FCHSD2: variants seen among roughly 807,000 people sequenced by gnomAD.
The protein encoded by FCHSD2 is F-BAR and double SH3 domains protein 2.
A neutral mutation model predicts 108.1 loss-of-function variants in FCHSD2; 38 were observed. The ratio of observed to expected loss-of-function variants is 0.35; its 90% CI spans 0.27 to 0.46. FCHSD2 has a LOEUF of 0.46. Ranked by LOEUF, FCHSD2 falls within the 20% of genes least tolerant of loss-of-function variation. FCHSD2 has a pLI of 1.00. For missense variants in FCHSD2, 751 were observed against 897.8 expected (o/e 0.84, Z 2.09); for synonymous variants, 279 against 314.7 (o/e 0.89, Z 1.20).
intron 3 of FCHSD2, among the ~76,000 whole-genome samples, chr11:73,056,898 C>T (rs1019106095): frequency 1.3e-5 from 2 of 151,962 alleles, no homozygotes; most frequent in African/African-American, 4.8e-5. Context: ...CTGGCTAACA[C>T]AGTGAAACCC....
In FCHSD2 at chr11:73,069,821, CA is replaced by C. The variant is rs567970972; in HGVS notation, c.165+13873del. ...AATAACAAATGACTCTGGGTACCAG[CA>C]AGGCAAATAAAACATCTAGATTCAT... is the stretch of plus-strand genomic sequence containing the variant. On this transcript the variant is annotated intron_variant, in intron 3 of 19. Coordinates refer to ENST00000409418, the MANE Select transcript of FCHSD2 (RefSeq NM_014824.3). Among the ~76,000 whole-genome samples the C allele has an allele frequency of 1.8e-3, 273 of 152,194 alleles. 2 individuals are homozygous for C. The highest frequency in any genetic ancestry group is 6.0e-3 in the African/African-American group (248 of 41,534).
At chr11:72,873,443 CTTT>C (rs1462383573) in intron 12 of FCHSD2, among the ~76,000 whole-genome samples, 2 of 151,608 alleles carry the variant, frequency 1.3e-5, no homozygotes, top group African/African-American at 4.8e-5. Context: ...GTATTTTTGC[CTTT>C]TTATTATTAT....
In FCHSD2 at chr11:72,889,903, T is replaced by C. The variant is rs1396021964; in HGVS notation, c.967A>G (p.Ser323Gly). The C allele has an allele frequency of 1.2e-6, 2 of 1,613,474 alleles. No individual in the cohort carries two copies. Among genetic ancestry groups the C allele is most frequent in the East Asian group, 2.2e-5 (1 of 44,878 alleles). Reference protein sequence around the residue: ...ESETGTTEEHSLNKEARKWAT... With the variant: ...ESETGTTEEHGLNKEARKWAT... ...CATTTTCGAGCTTCCTTATTTAGAC[T>C]GTGCTCCTCTGTGGTCCCAGTTTCT... is the stretch of plus-strand genomic sequence containing the variant. Residue 323 changes from serine (S) to glycine (G), a missense_variant, in exon 11 of 20, where the codon AGT (serine) becomes GGT (glycine). Coordinates refer to ENST00000409418, the MANE Select transcript of FCHSD2 (RefSeq NM_014824.3).
rs183787235 is a variant in FCHSD2 at position 72,999,663 on chromosome 11, C to T, written c.387+1327G>A. On this transcript the variant is annotated intron_variant, in intron 5 of 19. Transcript: ENST00000409418. Reference sequence around the variant, plus strand: ...CCAGGAATGTCAGTTAAATTCAGGTCTGAGATTACTTCATCAATGGAAGAG... The same window carrying T: ...CCAGGAATGTCAGTTAAATTCAGGTTTGAGATTACTTCATCAATGGAAGAG... Among the ~76,000 whole-genome samples, 187 of 152,204 alleles carry T rather than the reference C, an allele frequency of 1.2e-3. 2 individuals are homozygous for T. The highest frequency in any genetic ancestry group is 0.011 in the Admixed American group (166 of 15,280).
chr11:73,012,790 T>C (rs1246331055), intron 4 of FCHSD2, among the ~76,000 whole-genome samples: 1 of 152,214 alleles, frequency 6.6e-6, no homozygotes, highest in African/African-American at 2.4e-5. Flanking sequence ...ATTTTAAATA[T>C]GAAGAAAACT....
At chr11:72,925,198 T>C (rs1025852966) in intron 8 of FCHSD2, among the ~76,000 whole-genome samples, 40 of 152,174 alleles carry the variant, frequency 2.6e-4, no homozygotes, top group African/African-American at 9.2e-4. Flanking sequence ...GGAGAAAAGT[T>C]GAAGAAAAGA....
At chr11:72,903,895 C>G (rs981318866) in intron 9 of FCHSD2, among the ~76,000 whole-genome samples, 3 of 152,158 alleles carry the variant, frequency 2.0e-5, no homozygotes, top group Non-Finnish European at 2.9e-5. Context: ...TTCCCTCCCC[C>G]TCACTCCACC....
chr11:73,120,233 C>G (rs1385228432), intron 2 of FCHSD2, among the ~76,000 whole-genome samples: 1 of 152,190 alleles, frequency 6.6e-6, no homozygotes, highest in Non-Finnish European at 1.5e-5. Flanking sequence ...ACATCTGACA[C>G]TTGTTTACAT....
intron 9 of FCHSD2, among the ~76,000 whole-genome samples, chr11:72,903,012 T>C (rs539530614): frequency 4.6e-5 from 7 of 152,214 alleles, no homozygotes; most frequent in African/African-American, 1.7e-4. Context: ...GCTCTAAAAT[T>C]GTATGGGCCT....
At chr11:72,892,778 G>C (rs1024081963) in intron 10 of FCHSD2, among the ~76,000 whole-genome samples, 3 of 151,822 alleles carry the variant, frequency 2.0e-5, no homozygotes, top group Admixed American at 6.6e-5. Context: ...CTAATTTTTT[G>C]TATTTTTAGT....
At chr11:72,993,666 C>T (rs1306643908) in intron 5 of FCHSD2, among the ~76,000 whole-genome samples, 2 of 151,466 alleles carry the variant, frequency 1.3e-5, no homozygotes, top group Non-Finnish European at 2.9e-5. Flanking sequence ...GGACAAAAAA[C>T]CAAACACCGC....
At chr11:72,907,522 T>G (rs1051272546) in intron 9 of FCHSD2, among the ~76,000 whole-genome samples, 2 of 152,124 alleles carry the variant, frequency 1.3e-5, no homozygotes, top group African/African-American at 4.8e-5. Flanking sequence ...ATACCTAGTT[T>G]ATTGAGAGTT....
chr11:72,925,743 T>C (rs910999674), intron 8 of FCHSD2, among the ~76,000 whole-genome samples: 1 of 152,204 alleles, frequency 6.6e-6, no homozygotes, highest in Non-Finnish European at 1.5e-5. Flanking sequence ...GCTGCCATCA[T>C]GCCGGCTAGA....
chr11:72,887,426 GT>G (rs765591552), intron 12 of FCHSD2, 43 bp downstream of exon 12: 1 of 1,202,294 alleles, frequency 8.3e-7, no homozygotes, highest in East Asian at 2.4e-5. Context: ...CTGTGACAGT[GT>G]CATTAGACCT....
intron 2 of FCHSD2, among the ~76,000 whole-genome samples, chr11:73,084,382 CCTTTT>C (rs1198385613): frequency 2.6e-5 from 4 of 151,856 alleles, no homozygotes; most frequent in Admixed American, 6.6e-5. Context: ...TAAGGTATAC[CCTTTT>C]CTTTTCTTTT....
intron 8 of FCHSD2, among the ~76,000 whole-genome samples, chr11:72,970,174 T>C (rs1374502100): frequency 3.3e-5 from 5 of 152,208 alleles, no homozygotes; most frequent in African/African-American, 1.2e-4. Flanking sequence ...CACAAATGGC[T>C]AAGAATGTTG....
chr11:72,912,141 CTTTT>C (rs1405312355), intron 9 of FCHSD2, among the ~76,000 whole-genome samples: 2 of 152,128 alleles, frequency 1.3e-5, no homozygotes, highest in African/African-American at 2.4e-5. Context: ...CTCTTTCTTT[CTTTT>C]GTCTGACTGC....
At chr11:73,107,344 G>A (rs1172619684) in intron 2 of FCHSD2, among the ~76,000 whole-genome samples, 1 of 152,018 alleles carries the variant, frequency 6.6e-6, no homozygotes, top group Non-Finnish European at 1.5e-5. Context: ...TACCACACCT[G>A]GCCATTTTTT....
intron 3 of FCHSD2, among the ~76,000 whole-genome samples, chr11:73,043,835 G>A (rs557151442): frequency 6.6e-6 from 1 of 152,230 alleles, no homozygotes; most frequent in South Asian, 2.1e-4. Context: ...GATCCATTGA[G>A]GACTTGAGGC....
Sources: allele counts gnomAD v4.1 joint callset (sites outside exome capture counted in the v4.1 genomes callset), GRCh38; gene constraint gnomAD v4.1.1; transcripts MANE v1.5; gene names NCBI Gene and HGNC (gene_info 2026-07-23, HGNC 2026-07-21).